The following LAMA3 variants were observed in gnomAD, a reference collection of about 807,000 sequenced individuals.
LAMA3 encodes laminin subunit alpha-3.
LAMA3 carries 281 observed loss-of-function variants against 402.0 expected under a neutral mutation model. The ratio of observed to expected loss-of-function variants is 0.70; its 90% CI spans 0.63 to 0.77. The LOEUF (loss-of-function observed/expected upper bound fraction) is 0.77. LAMA3 is among the 30% of genes least tolerant of loss of function. The probability of loss-of-function intolerance (pLI) is 0.00; values close to 1 mark genes in which losing one functional copy is unlikely to be tolerated. For missense variants in LAMA3, 3,840 were observed against 4,215.5 expected (o/e 0.91, Z 2.47); for synonymous variants, 1,431 against 1,558.4 (o/e 0.92, Z 1.93).
Position 23,889,690 on chromosome 18 carries a change from AAGGAAGGGAGGG to A in LAMA3, c.5304-309_5304-298del, listed in dbSNP as rs200850896. 2.4e-3 allele frequency among the ~76,000 whole-genome samples: 202 copies of A among 83,922 alleles called. 6 individuals carry two copies. The East Asian group carries it at 0.055, about 23-fold the overall frequency. The allele number at this position is 83,922 out of a possible 152,430, so 55.1% of individuals were successfully genotyped here. On this transcript the variant is annotated intron_variant, in intron 41 of 74. Transcript: ENST00000313654. ...GGGGGGAGGGAGGAAGGAAGGAAGG[AAGGAAGGGAGGG>A]AGGAAGGGAGGAAGGAAGGAAGAAA...
At chr18:23,861,362 C>G (rs557248727) in intron 34 of LAMA3, among the ~76,000 whole-genome samples, 1 of 152,274 alleles carries the variant, frequency 6.6e-6, no homozygotes, top group South Asian at 2.1e-4. Context: ...CTTTATTATT[C>G]AAACACTCAT....
intron 68 of LAMA3, among the ~76,000 whole-genome samples, chr18:23,939,705 A>G (rs1187705723): frequency 6.6e-6 from 1 of 152,246 alleles, no homozygotes; most frequent in Admixed American, 6.5e-5. Flanking sequence ...TATTTCCATG[A>G]TAAATCACCT....
intron 6 of LAMA3, among the ~76,000 whole-genome samples, chr18:23,757,142 A>G (rs1015214072): frequency 6.6e-6 from 1 of 151,902 alleles, no homozygotes; most frequent in Non-Finnish European, 1.5e-5. Flanking sequence ...TTAGAAGCCT[A>G]GGACGCCCAC....
At position 23,721,061 on chromosome 18, in the gene LAMA3, G is replaced by T. The variant is rs536167621; in HGVS notation, c.447+6989G>T. On this transcript the variant is annotated intron_variant, in intron 2 of 74. Transcript: ENST00000313654. ...TAGTCCTAGCAACTCAGGAGGCTAA[G>T]GTGGGAGGACTGCTTGAGCCCAGGA... Among the ~76,000 whole-genome samples, 3 of 152,208 alleles carry T rather than the reference G, an allele frequency of 2.0e-5. No individual in the cohort carries two copies. The South Asian group carries it at 6.2e-4, about 32-fold the overall frequency.
intron 38 of LAMA3, among the ~76,000 whole-genome samples, chr18:23,875,890 C>T (rs1271285637): frequency 6.6e-6 from 1 of 152,166 alleles, no homozygotes; most frequent in Non-Finnish European, 1.5e-5. Flanking sequence ...TCTCTGATTT[C>T]CCCACCATGC....
chr18:23,938,787 T>C (rs2082391938), intron 67 of LAMA3, among the ~76,000 whole-genome samples: 1 of 146,358 alleles, frequency 6.8e-6, no homozygotes, highest in African/African-American at 2.5e-5. Context: ...AACCCAGACT[T>C]GTGTAAGATG....
At chr18:23,953,521 T>C (rs944748680) in intron 74 of LAMA3, among the ~76,000 whole-genome samples, 1 of 151,916 alleles carries the variant, frequency 6.6e-6, no homozygotes, top group Non-Finnish European at 1.5e-5. Flanking sequence ...TTTGTGTTTT[T>C]AGTAGAGGCA....
At position 23,702,245 on chromosome 18, in the gene LAMA3, A is replaced by G. The variant is rs933919026; in HGVS notation, c.295-11675A>G. On this transcript the variant is annotated intron_variant, in intron 1 of 74. Coordinates refer to ENST00000313654, the MANE Select transcript of LAMA3 (RefSeq NM_198129.4). ...AAGAGTAAATATAGTGAAATATTAC[A>G]TCAATATAGAAAAACACAGTTCTCA... 5.3e-5 allele frequency among the ~76,000 whole-genome samples: 8 copies of G among 152,334 alleles called. No homozygotes were observed. In the East Asian group the frequency reaches 1.3e-3, roughly 26 times the overall value.
Position 23,907,741 on chromosome 18 carries a change from C to A in LAMA3, c.6836-15C>A. ...GTTTTAGATACTTATACCTCCCTAT[C>A]TGTGTGTGCATTAGGTGATATTGAT... On this transcript the variant is annotated splice_polypyrimidine_tract_variant and intron_variant, in intron 53 of 74. Coordinates refer to ENST00000313654, the MANE Select transcript of LAMA3 (RefSeq NM_198129.4). The A allele has an allele frequency of 2.5e-6, 4 of 1,614,036 alleles. No homozygotes were observed. The highest frequency in any genetic ancestry group is 1.3e-5 in the African/African-American group (1 of 75,044).
In LAMA3 at chr18:23,909,220, G is replaced by A. The variant is rs751019492; in HGVS notation, c.7083G>A (p.Leu2361=). ...RKIESINQQL[L]PLGNISDNMD... The stretch of plus-strand genomic sequence containing the variant: ...TTGAAAGTATCAACCAACAGCTGTT[G>A]CCCTTGGGAAACATCTCTGACAACA... Residue 2361 remains leucine, a synonymous_variant, in exon 55 of 75, where the codon TTG becomes TTA. Coordinates refer to ENST00000313654, the MANE Select transcript of LAMA3 (RefSeq NM_198129.4). 8 of 1,613,444 alleles carry A rather than the reference G, an allele frequency of 5.0e-6. No homozygotes were observed. The highest frequency in any genetic ancestry group is 6.8e-6 in the Non-Finnish European group (8 of 1,179,648).
chr18:23,792,282 C>T (rs569653692), intron 12 of LAMA3, among the ~76,000 whole-genome samples: 18 of 152,196 alleles, frequency 1.2e-4, no homozygotes, highest in African/African-American at 2.4e-4. Context: ...CACAATTCTG[C>T]GGGCTGGGAA....
rs1202690020 is a variant in LAMA3 at position 23,814,450 on chromosome 18, C to G, written c.1836C>G (p.Arg612=). 1 of 1,613,904 alleles carries G rather than the reference C, an allele frequency of 6.2e-7. No individual in the cohort carries two copies. Among genetic ancestry groups the G allele is most frequent in the African/African-American group, 1.3e-5 (1 of 74,930 alleles). Residue 612 remains arginine (R), a synonymous_variant, in exon 15 of 75, where the codon CGC becomes CGG. Coordinates refer to ENST00000313654, the MANE Select transcript of LAMA3 (RefSeq NM_198129.4). ...KLHVEGPTCS[R]CKLLYWNLDK... is the part of the protein sequence containing the mutation. ...ATGTTGAAGGTCCTACTTGTAGCCG[C>G]TGCAAACTGTTATATTGGAATCTGG...
chr18:23,878,363 A>G (rs1190020967), intron 39 of LAMA3, among the ~76,000 whole-genome samples: 3 of 152,228 alleles, frequency 2.0e-5, no homozygotes, highest in Non-Finnish European at 4.4e-5. Flanking sequence ...CTCTTCATTC[A>G]GGAAATCCTC....
At chr18:23,694,120 C>A (rs1293074050) in intron 1 of LAMA3, among the ~76,000 whole-genome samples, 1 of 152,206 alleles carries the variant, frequency 6.6e-6, no homozygotes, top group African/African-American at 2.4e-5. Context: ...ATGTGCCCTG[C>A]CAGTTTCTCA....
At chr18:23,750,329 G>A (rs1453528092) in intron 4 of LAMA3, among the ~76,000 whole-genome samples, 1 of 151,178 alleles carries the variant, frequency 6.6e-6, no homozygotes, top group Non-Finnish European at 1.5e-5. Flanking sequence ...TTGAGCATGT[G>A]TATGCGGTAT....
At chr18:23,919,735 G>A (rs2072415877) in intron 60 of LAMA3, among the ~76,000 whole-genome samples, 1 of 152,130 alleles carries the variant, frequency 6.6e-6, no homozygotes, top group Non-Finnish European at 1.5e-5. Flanking sequence ...GGGCTGGAGA[G>A]CCAGAGGCAG....
chr18:23,773,685 C>G (rs2062251938), intron 9 of LAMA3, 98 bp downstream of exon 9: 2 of 760,058 alleles, frequency 2.6e-6, no homozygotes, highest in African/African-American at 1.7e-5. Context: ...TCCTTCATGC[C>G]CTCTCTCTTC....
At chr18:23,737,104 C>T (rs1444630850) in intron 2 of LAMA3, among the ~76,000 whole-genome samples, 3 of 151,916 alleles carry the variant, frequency 2.0e-5, no homozygotes, top group African/African-American at 4.8e-5. Flanking sequence ...AGAGCCAAGA[C>T]TGCTGGCTCC....
intron 13 of LAMA3, among the ~76,000 whole-genome samples, chr18:23,811,299 G>C (rs1214471160): frequency 6.6e-6 from 1 of 152,140 alleles, no homozygotes. Context: ...CTGTGAAGAG[G>C]TGTTTGTGGA....
Sources: gnomAD v4.1 joint callset for allele counts (sites outside exome capture counted in the v4.1 genomes callset) on GRCh38, gnomAD v4.1.1 for gene constraint, MANE v1.5 for transcripts, NCBI Gene and HGNC (gene_info 2026-07-23, HGNC 2026-07-21) for gene names.